The following FBXL17 variants were observed in gnomAD, a reference collection of about 807,000 sequenced individuals.
FBXL17 encodes the protein F-box and leucine rich repeat protein 17, also known as F-box/LRR-repeat protein 17.
A neutral mutation model predicts 66.2 loss-of-function variants in FBXL17; 22 were observed. The ratio of observed to expected loss-of-function variants is 0.33; its 90% CI spans 0.24 to 0.47. The LOEUF is 0.47. Among genes scored for constraint, FBXL17 ranks in the 20% least tolerant of loss-of-function variants. The pLI, the probability that FBXL17 is intolerant of heterozygous loss-of-function variation, is 1.00. For synonymous variants in FBXL17, 474 were observed against 400.5 expected (o/e 1.18, Z -2.19); for missense variants, 878 against 948.2 (o/e 0.93, Z 0.97).
intron 5 of FBXL17, among the ~76,000 whole-genome samples, chr5:108,202,203 A>G (rs1753925926): frequency 6.6e-6 from 1 of 152,136 alleles, no homozygotes; most frequent in African/African-American, 2.4e-5. Flanking sequence ...GACTCACTTT[A>G]TTTGTTAGGA....
chr5:108,021,356 C>T (rs1431110913), intron 6 of FBXL17, among the ~76,000 whole-genome samples: 2 of 149,122 alleles, frequency 1.3e-5, no homozygotes, highest in Non-Finnish European at 1.5e-5. Flanking sequence ...ATAGATAGAT[C>T]GTTATTATAG....
At chr5:107,982,094 A>G (rs1561351374) in intron 7 of FBXL17, among the ~76,000 whole-genome samples, 1 of 152,186 alleles carries the variant, frequency 6.6e-6, no homozygotes, top group Non-Finnish European at 1.5e-5. Context: ...ATTTCATATA[A>G]TATCTTAAGG....
intron 4 of FBXL17, among the ~76,000 whole-genome samples, chr5:108,322,773 T>C (rs375225573): frequency 6.6e-6 from 1 of 151,918 alleles, no homozygotes; most frequent in East Asian, 1.9e-4. Context: ...TGAGGTAATA[T>C]CAAGGCCTGT....
chr5:108,290,758 T>C (rs541227736), intron 4 of FBXL17, among the ~76,000 whole-genome samples: 2 of 152,282 alleles, frequency 1.3e-5, no homozygotes, highest in Non-Finnish European at 2.9e-5. Context: ...GTCTTATGTA[T>C]CTTTTGTTGG....
chr5:107,920,846 T>G (rs182306871), intron 7 of FBXL17, among the ~76,000 whole-genome samples: 5 of 152,226 alleles, frequency 3.3e-5, no homozygotes, highest in Admixed American at 3.3e-4. Flanking sequence ...ACGGTATAAT[T>G]TGTCACCACT....
chr5:107,908,066 C>T (rs1010280020), intron 7 of FBXL17, among the ~76,000 whole-genome samples: 1 of 152,156 alleles, frequency 6.6e-6, no homozygotes, highest in Non-Finnish European at 1.5e-5. Flanking sequence ...CAATGATAGA[C>T]TGGATTAAGA....
intron 6 of FBXL17, among the ~76,000 whole-genome samples, chr5:108,126,651 C>CTCTCTCTA (rs1554067324): frequency 9.3e-6 from 1 of 108,040 alleles, no homozygotes. Flanking sequence ...CTCTCTCTCT[C>CTCTCTCTA]TATATATATA....
intron 3 of FBXL17, among the ~76,000 whole-genome samples, chr5:108,355,863 T>C (rs990632644): frequency 2.0e-5 from 3 of 152,172 alleles, no homozygotes; most frequent in Non-Finnish European, 1.5e-5. Context: ...TTAACGGATA[T>C]GGTAGATATT....
intron 3 of FBXL17, among the ~76,000 whole-genome samples, chr5:108,351,512 G>A (rs2112493303): frequency 6.6e-6 from 1 of 152,230 alleles, no homozygotes; most frequent in Non-Finnish European, 1.5e-5. Context: ...TGAATAAACT[G>A]CATACAGGGA....
At chr5:107,996,876 A>G (rs1436575588) in intron 7 of FBXL17, among the ~76,000 whole-genome samples, 1 of 152,212 alleles carries the variant, frequency 6.6e-6, no homozygotes, top group Non-Finnish European at 1.5e-5. Flanking sequence ...GGAAGACAGA[A>G]TTTGATTTCA....
At chr5:108,009,104 T>C (rs1754046070) in intron 7 of FBXL17, among the ~76,000 whole-genome samples, 1 of 148,864 alleles carries the variant, frequency 6.7e-6, no homozygotes, top group South Asian at 2.1e-4. Context: ...CAATTTTTTT[T>C]CTCTGCTTCT....
At chr5:108,083,307 G>A (rs963131716) in intron 6 of FBXL17, among the ~76,000 whole-genome samples, 4 of 151,156 alleles carry the variant, frequency 2.6e-5, no homozygotes, top group Non-Finnish European at 5.9e-5. Flanking sequence ...ATGCACAGAG[G>A]AATAAAATAT....
intron 1 of FBXL17, among the ~76,000 whole-genome samples, chr5:108,375,215 G>A (rs1221494227): frequency 6.6e-6 from 1 of 151,984 alleles, no homozygotes; most frequent in Non-Finnish European, 1.5e-5. Flanking sequence ...AAATTAACCA[G>A]GCATGCGCCA....
intron 6 of FBXL17, among the ~76,000 whole-genome samples, chr5:108,041,909 G>C (rs1170409387): frequency 3.3e-5 from 5 of 151,918 alleles, no homozygotes; most frequent in African/African-American, 9.7e-5. Context: ...CTATAATTCA[G>C]GGGTTTTTCT....
At chr5:108,125,570 G>C (rs371118928) in intron 6 of FBXL17, among the ~76,000 whole-genome samples, 1 of 152,038 alleles carries the variant, frequency 6.6e-6, no homozygotes, top group Non-Finnish European at 1.5e-5. Flanking sequence ...AACGATAGGA[G>C]TATTCTATGG....
intron 6 of FBXL17, among the ~76,000 whole-genome samples, chr5:108,096,183 T>C (rs1169851917): frequency 6.6e-6 from 1 of 152,248 alleles, no homozygotes; most frequent in East Asian, 1.9e-4. Context: ...TTTGCATATG[T>C]ACTGAAGTGG....
At chr5:108,324,803 G>A (rs1759775388) in intron 4 of FBXL17, among the ~76,000 whole-genome samples, 2 of 152,016 alleles carry the variant, frequency 1.3e-5, no homozygotes, top group South Asian at 4.1e-4. Flanking sequence ...TCAGCCTATA[G>A]AAGGAGGAAA....
chr5:108,142,680 G>T (rs977159120), intron 6 of FBXL17, among the ~76,000 whole-genome samples: 1 of 152,170 alleles, frequency 6.6e-6, no homozygotes, highest in Non-Finnish European at 1.5e-5. Flanking sequence ...TTGATGAGAA[G>T]TTAGACAGAT....
In FBXL17 at chr5:108,140,758, C is replaced by G. The variant is rs546811595; in HGVS notation, c.1745+45359G>C. On this transcript the variant is annotated intron_variant, in intron 6 of 8. Transcript: ENST00000542267. ...AGGTAGATATAAACTCAAGGATATC[C>G]CCCAAAATTCGAGATGATTGCTTAT... Among the ~76,000 whole-genome samples, 229 of 152,210 alleles carry G rather than the reference C, an allele frequency of 1.5e-3. 1 individual carries two copies. Among genetic ancestry groups the G allele is most frequent in the Non-Finnish European group, 2.5e-3 (172 of 68,006 alleles).
Sources: gnomAD v4.1 joint callset for allele counts (sites outside exome capture counted in the v4.1 genomes callset) on GRCh38, gnomAD v4.1.1 for gene constraint, MANE v1.5 for transcripts, NCBI Gene and HGNC (gene_info 2026-07-23, HGNC 2026-07-21) for gene names.